GATAD2A: variants seen among roughly 807,000 people sequenced by gnomAD.
GATAD2A encodes GATA zinc finger domain containing 2A, also known as transcriptional repressor p66-alpha.
Under a neutral mutation model 68.5 loss-of-function variants are expected in GATAD2A, and 12 were observed. The observed-to-expected ratio is 0.18, with a 90% CI of 0.11 to 0.28. GATAD2A has a LOEUF of 0.28. Ranked by LOEUF, GATAD2A falls within the 10% of genes least tolerant of loss-of-function variation. The pLI, the probability that GATAD2A is intolerant of heterozygous loss-of-function variation, is 1.00. For missense variants in GATAD2A, 755 were observed against 868.5 expected (o/e 0.87, Z 1.64); for synonymous variants, 410 against 375.3 (o/e 1.09, Z -1.07).
intron 2 of GATAD2A, among the ~76,000 whole-genome samples, chr19:19,486,211 T>TC (rs2059417675): frequency 6.6e-6 from 1 of 152,226 alleles, no homozygotes; most frequent in African/African-American, 2.4e-5. Flanking sequence ...TCCCACTCTT[T>TC]CCTCAGAAAG....
intron 1 of GATAD2A, among the ~76,000 whole-genome samples, chr19:19,406,851 C>A (rs2050336801): frequency 6.6e-6 from 1 of 152,152 alleles, no homozygotes; most frequent in African/African-American, 2.4e-5. Flanking sequence ...GAATGGTGAC[C>A]CCTCCCTTAG....
At chr19:19,397,972 C>T (rs539780630) in intron 1 of GATAD2A, among the ~76,000 whole-genome samples, 44 of 152,270 alleles carry the variant, frequency 2.9e-4, no homozygotes, top group African/African-American at 8.4e-4. Context: ...GGCGTGATCT[C>T]GGCTCACCAC....
At chr19:19,451,291 G>A (rs1280495345) in intron 1 of GATAD2A, among the ~76,000 whole-genome samples, 2 of 152,224 alleles carry the variant, frequency 1.3e-5, no homozygotes, top group Admixed American at 1.3e-4. Context: ...TGAGGCAGGG[G>A]AATCACTTGA....
At chr19:19,440,906 CCTTTCCTTCCTTCCCTTT>C (rs1215678685) in intron 1 of GATAD2A, among the ~76,000 whole-genome samples, 2 of 150,664 alleles carry the variant, frequency 1.3e-5, no homozygotes, top group Non-Finnish European at 3.0e-5. Context: ...TCCTTCCCTT[CCTTTCCTTCCTTCCCTTT>C]CCTTCCTTTT....
chr19:19,432,070 G>A (rs2053814715), intron 1 of GATAD2A, among the ~76,000 whole-genome samples: 1 of 152,106 alleles, frequency 6.6e-6, no homozygotes, highest in African/African-American at 2.4e-5. Context: ...CCATCTCCCG[G>A]GTTCAAGTGA....
rs568632151 is a variant in GATAD2A, at chr19:19,430,306, G to T, written c.-7+24287G>T. Reference sequence around the variant, plus strand: ...CTTCTGGGCTTCCTCAGGATGATCTGCTGTTGCCTTGCTTCAGTTTTTTCT... The same window carrying T: ...CTTCTGGGCTTCCTCAGGATGATCTTCTGTTGCCTTGCTTCAGTTTTTTCT... On this transcript the variant is annotated intron_variant, in intron 1 of 11. Transcript: ENST00000683918. Among the ~76,000 whole-genome samples, 3 of 152,318 alleles carry T rather than the reference G, an allele frequency of 2.0e-5. No homozygotes were observed. The South Asian group carries it at 6.2e-4, about 32-fold the overall frequency.
chr19:19,406,737 C>T (rs929786148), intron 1 of GATAD2A, among the ~76,000 whole-genome samples: 2 of 152,130 alleles, frequency 1.3e-5, no homozygotes, highest in African/African-American at 4.8e-5. Context: ...GGATTATTGC[C>T]AAGAATCGGA....
intron 1 of GATAD2A, among the ~76,000 whole-genome samples, chr19:19,396,048 C>T (rs983323632): frequency 4.6e-5 from 7 of 152,064 alleles, no homozygotes; most frequent in African/African-American, 7.2e-5. Context: ...GAGCCGGGCA[C>T]GGTGGCTCAC....
At chr19:19,397,840 A>C (rs145229029) in intron 1 of GATAD2A, among the ~76,000 whole-genome samples, 2 of 152,208 alleles carry the variant, frequency 1.3e-5, no homozygotes, top group Non-Finnish European at 2.9e-5. Context: ...CCCTTGCCTC[A>C]GCACCCAGAT....
chr19:19,436,368 G>T, intron 1 of GATAD2A: 1 of 413,002 alleles, frequency 2.4e-6, no homozygotes, highest in East Asian at 7.0e-5. Context: ...ATCGCACACT[G>T]TGCAGTCTGT....
chr19:19,487,977 G>A (rs530538717), intron 2 of GATAD2A, among the ~76,000 whole-genome samples: 5 of 152,206 alleles, frequency 3.3e-5, no homozygotes, highest in Admixed American at 3.3e-4. Context: ...GCTGGGCCCT[G>A]CCTGTCTCCC....
intron 1 of GATAD2A, among the ~76,000 whole-genome samples, chr19:19,450,840 G>A (rs991396093): frequency 3.3e-5 from 5 of 150,682 alleles, no homozygotes; most frequent in African/African-American, 4.9e-5. Flanking sequence ...GCATGATCTC[G>A]GCTCACTACA....
intron 1 of GATAD2A, among the ~76,000 whole-genome samples, chr19:19,425,278 A>G (rs1051124505): frequency 1.3e-5 from 2 of 152,128 alleles, no homozygotes; most frequent in South Asian, 2.1e-4. Flanking sequence ...GCATTCTCCT[A>G]TGATGGAGGC....
chr19:19,471,285 A>C (rs2058290770), intron 2 of GATAD2A, among the ~76,000 whole-genome samples: 1 of 150,916 alleles, frequency 6.6e-6, no homozygotes, highest in Non-Finnish European at 1.5e-5. Flanking sequence ...GAAGCAACCC[A>C]GTGTCCCATG....
At chr19:19,412,610 C>T (rs545869974) in intron 1 of GATAD2A, among the ~76,000 whole-genome samples, 11 of 151,882 alleles carry the variant, frequency 7.2e-5, no homozygotes, top group South Asian at 2.1e-4. Context: ...CCAGCCTGGG[C>T]GACAGAGTGA....
At chr19:19,420,017 T>TA (rs11483705) in intron 1 of GATAD2A, among the ~76,000 whole-genome samples, 1 of 137,622 alleles carries the variant, frequency 7.3e-6, no homozygotes, top group East Asian at 2.1e-4. Context: ...TTTTTTTTTT[T>TA]TTTTTTTTTT....
chr19:19,458,588 G>A (rs944536078), intron 1 of GATAD2A: 2 of 152,216 alleles, frequency 1.3e-5, no homozygotes, highest in South Asian at 2.1e-4. Context: ...TGAGTGGCAC[G>A]GAGATTGTTG....
In GATAD2A at chr19:19,498,733, T is replaced by G. The variant is rs2060313422; in HGVS notation, c.1204+11T>G. The G allele has an allele frequency of 2.5e-6, 4 of 1,596,174 alleles. No individual in the cohort carries two copies. In the African/African-American group the frequency reaches 4.0e-5, roughly 16 times the overall value. On this transcript the variant is annotated intron_variant, in intron 8 of 11. Transcript: ENST00000683918. The stretch of plus-strand genomic sequence containing the variant: ...TACTGGAGACACAAGGTGAGTGGCC[T>G]GGACCCAGCCGGGCTGCTTCCGCCT...
At chr19:19,478,101 A>G (rs939957554) in intron 2 of GATAD2A, among the ~76,000 whole-genome samples, 1 of 152,192 alleles carries the variant, frequency 6.6e-6, no homozygotes, top group African/African-American at 2.4e-5. Context: ...TCAAAATACA[A>G]CTTTGGCAGC....
Sources: gnomAD v4.1 joint callset for allele counts (sites outside exome capture counted in the v4.1 genomes callset) on GRCh38, gnomAD v4.1.1 for gene constraint, MANE v1.5 for transcripts, NCBI Gene and HGNC (gene_info 2026-07-23, HGNC 2026-07-21) for gene names.